The following NPLOC4 variants were observed in gnomAD, a reference collection of about 807,000 sequenced individuals.
NPLOC4 encodes nuclear protein localization protein 4 homolog.
A neutral mutation model predicts 80.6 loss-of-function variants in NPLOC4; 18 were observed. The observed-to-expected ratio is 0.22, with a 90% CI of 0.15 to 0.33. The LOEUF is 0.33. Among genes scored for constraint, NPLOC4 ranks in the 10% least tolerant of loss-of-function variants. The pLI is 1.00. For missense variants in NPLOC4, 540 were observed against 786.1 expected (o/e 0.69, Z 3.74); for synonymous variants, 313 against 301.5 (o/e 1.04, Z -0.39).
intron 6 of NPLOC4, among the ~76,000 whole-genome samples, chr17:81,607,978 G>A (rs1218272152): frequency 1.3e-5 from 2 of 152,186 alleles, no homozygotes; most frequent in African/African-American, 4.8e-5. Context: ...CTACTTTCTG[G>A]TAGGGTGTAC....
chr17:81,569,076 A>G lies in NPLOC4; in HGVS notation c.1389T>C (p.Thr463=). 6.2e-7 allele frequency: 1 copy of G among 1,613,182 alleles called. No individual in the cohort carries two copies. Among genetic ancestry groups the G allele is most frequent in the Non-Finnish European group, 8.5e-7 (1 of 1,179,108 alleles). ...GAAATGGATTTTGCGAAATAGAAAAAGTGTAAACTGGATCCTTGGGGAAAG... is the reference window on the plus strand; with the variant it reads ...GAAATGGATTTTGCGAAATAGAAAAGGTGTAAACTGGATCCTTGGGGAAAG... ...TTTFPKDPVY[T]FSISQNPFPI... Residue 463 remains threonine, a synonymous_variant, in exon 14 of 17, where the codon ACT becomes ACC. Coordinates refer to ENST00000331134, the MANE Select transcript of NPLOC4 (RefSeq NM_017921.4).
chr17:81,606,595 G>T, intron 7 of NPLOC4, 96 bp downstream of exon 7: 1 of 1,287,582 alleles, frequency 7.8e-7, no homozygotes. Context: ...AATCCACCAC[G>T]CATAGTGCTA....
intron 11 of NPLOC4, among the ~76,000 whole-genome samples, chr17:81,594,369 G>T (rs1016813699): frequency 1.3e-5 from 2 of 149,094 alleles, no homozygotes; most frequent in South Asian, 2.1e-4. Flanking sequence ...ATTAACGTGT[G>T]AAAGATGCCT....
In NPLOC4 at chr17:81,608,629, C is replaced by G. The variant is rs572851159; in HGVS notation, c.530+99G>C. 3 of 828,550 alleles carry G rather than the reference C, an allele frequency of 3.6e-6. No individual in the cohort carries two copies. In the African/African-American group the frequency reaches 5.0e-5, roughly 14 times the overall value. The allele number at this position is 828,550 out of a possible 1,614,324, so 51.3% of individuals were successfully genotyped here. On this transcript the variant is annotated intron_variant, in intron 6 of 16. Transcript: ENST00000331134. The stretch of plus-strand genomic sequence containing the variant: ...TCAAAGGCGTGTGACCCCTTCTCAT[C>G]TTTACTTCTCTCATTCACACGTTCA...
At chr17:81,611,454 A>T (rs1055818593) in intron 4 of NPLOC4, among the ~76,000 whole-genome samples, 10 of 151,096 alleles carry the variant, frequency 6.6e-5, no homozygotes, top group African/African-American at 2.2e-4. Context: ...GTTTCAAGCG[A>T]TTCTCCTGTC....
At chr17:81,623,087 G>A (rs1379099309) in intron 2 of NPLOC4, among the ~76,000 whole-genome samples, 2 of 151,688 alleles carry the variant, frequency 1.3e-5, no homozygotes, top group East Asian at 2.0e-4. Flanking sequence ...CCAGCTACCC[G>A]TGAGGCTGAA....
intron 2 of NPLOC4, among the ~76,000 whole-genome samples, chr17:81,623,245 G>A (rs191525716): frequency 1.8e-3 from 272 of 151,436 alleles, no homozygotes; most frequent in African/African-American, 6.0e-3. Context: ...GCCAAAGCAG[G>A]TGGATCACGA....
chr17:81,626,704 G>A (rs2035804430), intron 2 of NPLOC4, among the ~76,000 whole-genome samples: 1 of 152,058 alleles, frequency 6.6e-6, no homozygotes, highest in Admixed American at 6.6e-5. Context: ...AAGCTCACGT[G>A]GGAGGATCGT....
chr17:81,604,996 C>T (rs1038042523), intron 7 of NPLOC4, among the ~76,000 whole-genome samples: 1 of 152,076 alleles, frequency 6.6e-6, no homozygotes, highest in African/African-American at 2.4e-5. Flanking sequence ...CGCAGTGGCT[C>T]ACGCCTGTAA....
chr17:81,571,882 C>A, intron 13 of NPLOC4, 135 bp downstream of exon 13: 1 of 488,106 alleles, frequency 2.0e-6, no homozygotes, highest in South Asian at 5.0e-5. Context: ...GGTGCCTGTT[C>A]TGGGGTGGGC....
At chr17:81,597,708 G>A (rs571654851) in intron 9 of NPLOC4, among the ~76,000 whole-genome samples, 12 of 151,452 alleles carry the variant, frequency 7.9e-5, no homozygotes, top group South Asian at 6.3e-4. Context: ...ACTTGAACCC[G>A]GGAGGCAGAG....
intron 11 of NPLOC4, among the ~76,000 whole-genome samples, chr17:81,592,401 G>A (rs1456355301): frequency 2.0e-5 from 3 of 152,206 alleles, no homozygotes; most frequent in African/African-American, 7.2e-5. Context: ...CCACCCTCGG[G>A]AAAGGGAGAC....
intron 2 of NPLOC4, among the ~76,000 whole-genome samples, chr17:81,623,142 C>T (rs2035708566): frequency 6.6e-6 from 1 of 150,450 alleles, no homozygotes; most frequent in East Asian, 2.0e-4. Context: ...TGCAGGGAGC[C>T]GAGATCGTGC....
intron 3 of NPLOC4, among the ~76,000 whole-genome samples, chr17:81,618,305 C>T (rs1478324436): frequency 1.3e-5 from 2 of 150,022 alleles, no homozygotes; most frequent in African/African-American, 2.5e-5. Context: ...GCCTCTGCCC[C>T]GCCGCCCCGT....
chr17:81,559,134 A>G lies in NPLOC4; in HGVS notation c.*125T>C. 8.9e-7 allele frequency: 1 copy of G among 1,120,166 alleles called. No homozygotes were observed. 69.4% of individuals were successfully genotyped at this position (1,120,166 alleles called of 1,614,324 possible). The stretch of plus-strand genomic sequence containing the variant: ...TTCAGTGGGTCAGGGAGCCCAGGAC[A>G]GCCAGCCCCTTGTTCCTCCAGGGCT... On this transcript the variant is annotated 3_prime_UTR_variant, in exon 17 of 17. Transcript: ENST00000331134.
intron 3 of NPLOC4, among the ~76,000 whole-genome samples, chr17:81,615,201 G>A (rs894675000): frequency 6.6e-6 from 1 of 150,720 alleles, no homozygotes; most frequent in Admixed American, 6.6e-5. Context: ...ACGGGTTTAA[G>A]CGATTCTCCT....
intron 5 of NPLOC4, chr17:81,609,051 C>T (rs992086626): frequency 1.2e-5 from 5 of 411,710 alleles, no homozygotes; most frequent in South Asian, 7.1e-5. Flanking sequence ...CTCACTCTGT[C>T]GCCCAGGCTG....
chr17:81,608,948 C>G (rs1484183220), intron 5 of NPLOC4, 126 bp from the exon 6 acceptor site: 2 of 659,482 alleles, frequency 3.0e-6, no homozygotes, highest in South Asian at 1.9e-5. Flanking sequence ...ACAGTGAAAG[C>G]AGGTACTAGG....
At chr17:81,571,062 G>T (rs769051325) in intron 13 of NPLOC4, among the ~76,000 whole-genome samples, 2 of 152,192 alleles carry the variant, frequency 1.3e-5, no homozygotes, top group East Asian at 3.9e-4. Context: ...TTACACCCTA[G>T]GTAGTCTAAA....
Sources: allele counts gnomAD v4.1 joint callset (sites outside exome capture counted in the v4.1 genomes callset), GRCh38; gene constraint gnomAD v4.1.1; transcripts MANE v1.5; gene names NCBI Gene and HGNC (gene_info 2026-07-23, HGNC 2026-07-21).